The following AGBL1 variants were observed in gnomAD, a reference collection of about 807,000 sequenced individuals.
The protein encoded by AGBL1 is AGBL carboxypeptidase 1, also known as cytosolic carboxypeptidase 4.
Under a neutral mutation model 118.9 loss-of-function variants are expected in AGBL1, and 130 were observed. The ratio of observed to expected loss-of-function variants is 1.09; its 90% CI spans 0.95 to 1.26. The LOEUF is 1.26. AGBL1 is among the 50% of genes most tolerant of loss of function. The pLI is 0.00. For synonymous variants in AGBL1, 555 were observed against 478.9 expected, an observed-to-expected ratio of 1.16 and a Z score of -2.08; for missense variants, 1,584 against 1,298.1, an observed-to-expected ratio of 1.22 and a Z score of -3.38.
chr15:86,863,606 G>A (rs964793816), intron 22 of AGBL1, among the ~76,000 whole-genome samples: 16 of 152,086 alleles, frequency 1.1e-4, no homozygotes, highest in African/African-American at 3.9e-4. Flanking sequence ...CTTGCTTGAG[G>A]CAAAGGATTT....
chr15:86,391,382 A>G (rs1364571315), intron 17 of AGBL1, among the ~76,000 whole-genome samples: 2 of 151,838 alleles, frequency 1.3e-5, no homozygotes, highest in Non-Finnish European at 2.9e-5. Context: ...AATTTTTCTC[A>G]TTTTATTTTT....
intron 22 of AGBL1, among the ~76,000 whole-genome samples, chr15:86,741,844 GTTATT>G (rs2077684660): frequency 6.6e-6 from 1 of 152,060 alleles, no homozygotes; most frequent in Non-Finnish European, 1.5e-5. Flanking sequence ...ACATTTAAGA[GTTATT>G]TTAAGAATTC....
At chr15:86,979,692 A>G (rs1004889686) in intron 23 of AGBL1, among the ~76,000 whole-genome samples, 2 of 152,074 alleles carry the variant, frequency 1.3e-5, no homozygotes, top group African/African-American at 4.8e-5. Flanking sequence ...TTTAGTAGAG[A>G]TAGGGTTTCA....
chr15:86,643,269 T>C (rs965647802), intron 21 of AGBL1, among the ~76,000 whole-genome samples: 1 of 152,194 alleles, frequency 6.6e-6, no homozygotes, highest in African/African-American at 2.4e-5. Flanking sequence ...CTTTTTCATG[T>C]TTATTGATCA....
intron 21 of AGBL1, among the ~76,000 whole-genome samples, chr15:86,571,113 C>G (rs2084000404): frequency 6.6e-6 from 1 of 152,112 alleles, no homozygotes; most frequent in African/African-American, 2.4e-5. Context: ...CTGGCTGGCA[C>G]TGGGGAATAT....
chr15:86,491,446 A>G (rs1426873105), intron 18 of AGBL1, among the ~76,000 whole-genome samples: 1 of 152,110 alleles, frequency 6.6e-6, no homozygotes, highest in Non-Finnish European at 1.5e-5. Flanking sequence ...AGCTCTGGGA[A>G]TTCTGTGAGG....
At chr15:86,092,653 G>T (rs1284897421) in intron 1 of AGBL1, among the ~76,000 whole-genome samples, 1 of 152,034 alleles carries the variant, frequency 6.6e-6, no homozygotes, top group Non-Finnish European at 1.5e-5. Context: ...AATTTAAAAT[G>T]AACGGAAATT....
At chr15:86,932,406 G>A (rs1367500105) in intron 23 of AGBL1, among the ~76,000 whole-genome samples, 1 of 152,180 alleles carries the variant, frequency 6.6e-6, no homozygotes, top group Non-Finnish European at 1.5e-5. Flanking sequence ...GATCTTTCAG[G>A]TTCTAAAATG....
chr15:86,307,178 G>T (rs955498861), intron 17 of AGBL1, among the ~76,000 whole-genome samples: 4 of 151,854 alleles, frequency 2.6e-5, no homozygotes, highest in African/African-American at 7.3e-5. Flanking sequence ...TGACTCAGGT[G>T]GTCCATATTT....
chr15:86,448,919 T>C (rs1284000747), intron 18 of AGBL1, among the ~76,000 whole-genome samples: 3 of 152,204 alleles, frequency 2.0e-5, no homozygotes, highest in East Asian at 1.9e-4. Context: ...TTGAATTTCA[T>C]TGGCTGGCAA....
At chr15:86,196,879 G>GCGCGCGCACACACACACACA (rs756313941) in intron 5 of AGBL1, among the ~76,000 whole-genome samples, 30 of 117,008 alleles carry the variant, frequency 2.6e-4, no homozygotes, top group African/African-American at 9.8e-4. Context: ...GCGCGCGCGC[G>GCGCGCGCACACACACACACA]CACACACACA....
rs147959991 is a variant in AGBL1 at position 86,549,741 on chromosome 15, A to G, written c.2817+3608A>G. Among the ~76,000 whole-genome samples, 190 of 152,080 alleles carry G rather than the reference A, an allele frequency of 1.2e-3. No individual in the cohort carries two copies. In the East Asian group the frequency reaches 0.013, roughly 11 times the overall value. ...TATGTTCAAATAATTAAAGAAAATT[A>G]TGTTCAAAAGTTAATGGCAAAATAT... On this transcript the variant is annotated intron_variant, in intron 20 of 22. Coordinates refer to ENST00000614907, the MANE Select transcript of AGBL1 (RefSeq NM_001386094.1).
chr15:86,194,966 A>G (rs149779544), intron 5 of AGBL1, among the ~76,000 whole-genome samples: 2 of 152,328 alleles, frequency 1.3e-5, no homozygotes, highest in African/African-American at 4.8e-5. Flanking sequence ...TGTAGACACT[A>G]TTTTATGATG....
intron 22 of AGBL1, among the ~76,000 whole-genome samples, chr15:86,680,832 G>C (rs903798862): frequency 4.0e-5 from 6 of 151,886 alleles, no homozygotes; most frequent in Non-Finnish European, 5.9e-5. Flanking sequence ...CTCCCAAAGT[G>C]CTGGGATTAC....
chr15:86,902,110 A>T (rs2080219833), intron 22 of AGBL1, among the ~76,000 whole-genome samples: 1 of 152,100 alleles, frequency 6.6e-6, no homozygotes, highest in Non-Finnish European at 1.5e-5. Flanking sequence ...ATAAGTTTTT[A>T]TATACCTGGG....
chr15:86,632,374 C>T (rs907085649), intron 21 of AGBL1, among the ~76,000 whole-genome samples: 8 of 151,684 alleles, frequency 5.3e-5, no homozygotes, highest in Admixed American at 5.2e-4. Flanking sequence ...ACCCAGGAGG[C>T]GGAGGTTGCG....
chr15:86,675,198 G>A (rs1161359930), intron 22 of AGBL1, among the ~76,000 whole-genome samples: 2 of 152,164 alleles, frequency 1.3e-5, no homozygotes, highest in African/African-American at 2.4e-5. Context: ...AATGGATGGA[G>A]AAATTGAGTT....
intron 24 of AGBL1, among the ~76,000 whole-genome samples, chr15:87,027,730 C>T (rs1173887114): frequency 6.6e-6 from 1 of 151,948 alleles, no homozygotes; most frequent in African/African-American, 2.4e-5. Context: ...ATGTCATTTG[C>T]AGAGACACAA....
At chr15:86,517,300 T>A (rs1789580592) in intron 18 of AGBL1, among the ~76,000 whole-genome samples, 1 of 152,246 alleles carries the variant, frequency 6.6e-6, no homozygotes. Context: ...TTCACTTTAA[T>A]GTGCATACAC....
Sources: allele counts gnomAD v4.1 joint callset (sites outside exome capture counted in the v4.1 genomes callset), GRCh38; gene constraint gnomAD v4.1.1; transcripts MANE v1.5; gene names NCBI Gene and HGNC (gene_info 2026-07-23, HGNC 2026-07-21).